Variants in DDB1 observed in about 807,000 individuals in gnomAD.
The protein encoded by DDB1 is DNA damage-binding protein 1.
Under a neutral mutation model 133.1 loss-of-function variants are expected in DDB1, and 18 were observed. The ratio of observed to expected loss-of-function variants is 0.14; its 90% confidence interval spans 0.09 to 0.20. The LOEUF (loss-of-function observed/expected upper bound fraction) is 0.20. Among genes scored for constraint, DDB1 ranks in the 10% least tolerant of loss-of-function variants. The pLI, the probability that DDB1 is intolerant of heterozygous loss-of-function variation, is 1.00. For missense variants in DDB1, 828 were observed against 1,459.2 expected (o/e 0.57, Z 7.05); for synonymous variants, 580 against 550.5 (o/e 1.05, Z -0.75).
intron 6 of DDB1, chr11:61,324,344 C>T (rs1025912554): frequency 3.7e-6 from 2 of 533,714 alleles, no homozygotes; most frequent in Non-Finnish European, 3.4e-6. Flanking sequence ...TTTTCTGAGG[C>T]GCTCCATCAA....
In DDB1 at chr11:61,324,028, A is replaced by T. The variant is rs749128270; in HGVS notation, c.872T>A (p.Met291Lys). 1 of 1,614,178 alleles carries T rather than the reference A, an allele frequency of 6.2e-7. No individual in the cohort carries two copies. The highest frequency in any genetic ancestry group is 8.5e-7 in the Non-Finnish European group (1 of 1,180,022). Residue 291 changes from methionine to lysine, a missense_variant, in exon 7 of 27, where the codon ATG (methionine) becomes AAG (lysine). Physicochemically the swap from Met to Lys is moderately conservative, Grantham distance 95. This residue lies in a region of DDB1 where 35 missense variants were observed against 57.5 expected (regional missense o/e 0.61). Coordinates refer to ENST00000301764, the MANE Select transcript of DDB1 (RefSeq NM_001923.5). The part of the protein sequence containing the change: ...FMLLLEKEEQ[M>K]DGTVTLKDLR... ...ATCCTTGAGAGTGACGGTGCCATCC[A>T]TCTGTTCCTCCTTCTCCAAAAGCAG...
At chr11:61,316,986 T>TATATATAG (rs1856094349) in intron 10 of DDB1, among the ~76,000 whole-genome samples, 1 of 74,880 alleles carries the variant, frequency 1.3e-5, no homozygotes, top group Admixed American at 1.6e-4. Context: ...TATATATATA[T>TATATATAG]ATATATATAT....
intron 21 of DDB1, among the ~76,000 whole-genome samples, chr11:61,308,052 C>T (rs12275843): frequency 0.16 from 23,809 of 152,102 alleles, 5,554 homozygotes; most frequent in African/African-American, 0.51. Context: ...AGCAACATGA[C>T]CTTTTGAAAA....
At chr11:61,301,058 C>A in intron 25 of DDB1, 126 bp from the exon 26 acceptor site, 2 of 1,388,398 alleles carry the variant, frequency 1.4e-6, no homozygotes, top group South Asian at 2.9e-5. Context: ...CTTCCTTTCG[C>A]CTTGCTTTTA....
chr11:61,308,107 G>C (rs1855906217), intron 21 of DDB1, among the ~76,000 whole-genome samples: 1 of 152,248 alleles, frequency 6.6e-6, no homozygotes, highest in South Asian at 2.1e-4. Context: ...CCCTCCAGAG[G>C]TTGCCATCAT....
At chr11:61,305,581 G>A (rs188382434) in intron 21 of DDB1, among the ~76,000 whole-genome samples, 30 of 152,272 alleles carry the variant, frequency 2.0e-4, no homozygotes, top group Admixed American at 1.4e-3. Context: ...AGAGTGCCCC[G>A]TCTTCAGGTA....
In DDB1 at chr11:61,302,994, A is replaced by C. The variant is rs371973545; in HGVS notation, c.2942+52T>G. 114 of 1,529,088 alleles carry C rather than the reference A, an allele frequency of 7.5e-5. No individual in the cohort carries two copies. The South Asian group carries it at 9.2e-4, about 12-fold the overall frequency. The allele number at this position is 1,529,088 out of a possible 1,614,324, so 94.7% of individuals were successfully genotyped here. On this transcript the variant is annotated intron_variant, in intron 23 of 26. Transcript: ENST00000301764. ...AACCCAATGCTTGCATCCACCAGAGACCAAGGAACTCCCAGCCCTCCCCAC... is the reference window on the plus strand; with the variant it reads ...AACCCAATGCTTGCATCCACCAGAGCCCAAGGAACTCCCAGCCCTCCCCAC...
chr11:61,304,040 G>A lies in DDB1; in HGVS notation c.2662-5C>T, dbSNP rs1261837037. 1.2e-6 allele frequency: 2 copies of A among 1,613,530 alleles called. No homozygotes were observed. The highest frequency in any genetic ancestry group is 8.5e-7 in the Non-Finnish European group (1 of 1,180,002). On this transcript the variant is annotated splice_region_variant and splice_polypyrimidine_tract_variant and intron_variant, in intron 21 of 26. Coordinates refer to ENST00000301764, the MANE Select transcript of DDB1 (RefSeq NM_001923.5). ...TGTCCACTCATAGAGCCGCACCTGG[G>A]AAGGGCATTGTCTCTCTCAGCCAAA... is the stretch of plus-strand genomic sequence containing the variant.
At chr11:61,308,957 T>C (rs745442150) in intron 21 of DDB1, 26 bp downstream of exon 21, 3 of 1,611,122 alleles carry the variant, frequency 1.9e-6, no homozygotes, top group African/African-American at 2.7e-5. Context: ...CAGCCTAAAG[T>C]AAGTACCAAG....
chr11:61,302,655 T>C lies in DDB1; in HGVS notation c.3039A>G (p.Val1013=), dbSNP rs1398847679. ...FVNVFCHGSL[V]MQNLGETSTP... is the part of the protein sequence containing the mutation. ...TGGAAGTCTCACCCAGATTCTGCATTACCAGAGAGCCGTGGCAAAAGACAT... is the reference window on the plus strand; with the variant it reads ...TGGAAGTCTCACCCAGATTCTGCATCACCAGAGAGCCGTGGCAAAAGACAT... Residue 1013 remains valine (V), a synonymous_variant, in exon 24 of 27, where the codon GTA becomes GTG. Transcript: ENST00000301764. 1.9e-6 allele frequency: 3 copies of C among 1,614,218 alleles called. No homozygotes were observed. The highest frequency in any genetic ancestry group is 3.3e-5 in the Admixed American group (2 of 60,028).
At chr11:61,313,760 T>C in intron 15 of DDB1, 54 bp from the exon 16 acceptor site, 2 of 1,581,658 alleles carry the variant, frequency 1.3e-6, no homozygotes, top group Non-Finnish European at 1.7e-6. Flanking sequence ...GACAAAAAGC[T>C]GGCCTGTGAA....
chr11:61,326,597 T>C (rs919204218), intron 5 of DDB1, among the ~76,000 whole-genome samples, 182 bp downstream of exon 5: 1 of 151,300 alleles, frequency 6.6e-6, no homozygotes. Context: ...AAACAGAAAA[T>C]CTCAAAGACA....
intron 5 of DDB1, 42 bp downstream of exon 5, chr11:61,326,737 C>T (rs1856276882): frequency 6.5e-7 from 1 of 1,540,868 alleles, no homozygotes; most frequent in Non-Finnish European, 9.0e-7. Context: ...GGGAACTAGC[C>T]TAGACCCAGG....
At chr11:61,332,761 G>C in intron 1 of DDB1, 147 bp downstream of exon 1, 1 of 603,712 alleles carries the variant, frequency 1.7e-6, no homozygotes. Context: ...TCGAGGTCGC[G>C]GTGCTGGGGG....
intron 2 of DDB1, among the ~76,000 whole-genome samples, chr11:61,330,531 T>G (rs1856350165): frequency 6.6e-6 from 1 of 152,246 alleles, no homozygotes; most frequent in African/African-American, 2.4e-5. Context: ...TTCAAAGGGT[T>G]ATAATTAAAA....
rs929669689 is a variant in DDB1, at chr11:61,299,852, C to A, written c.*284G>T. 4.0e-6 allele frequency: 2 copies of A among 498,532 alleles called. No individual in the cohort carries two copies. The highest frequency in any genetic ancestry group is 7.4e-6 in the Non-Finnish European group (2 of 272,032). The allele number at this position is 498,532 out of a possible 1,614,324, so 30.9% of individuals were successfully genotyped here. The stretch of plus-strand genomic sequence containing the variant: ...GCCAAAGAACTGCAAAATCCTTCCC[C>A]GGAAGGAGGACAACTGGCAACACCA... On this transcript the variant is annotated 3_prime_UTR_variant, in exon 27 of 27. Coordinates refer to ENST00000301764, the MANE Select transcript of DDB1 (RefSeq NM_001923.5).
At chr11:61,320,923 G>A (rs1248308753) in intron 10 of DDB1, among the ~76,000 whole-genome samples, 5 of 147,504 alleles carry the variant, frequency 3.4e-5, no homozygotes, top group Admixed American at 6.8e-5. Flanking sequence ...TCTCATTGTC[G>A]CCCAAACTAG....
At chr11:61,313,412 GA>G (rs36006720) in intron 16 of DDB1, 86 bp downstream of exon 16, 14 of 1,260,352 alleles carry the variant, frequency 1.1e-5, no homozygotes, top group East Asian at 2.3e-5. Flanking sequence ...TTTGACACCG[GA>G]AAAAGGCTTT....
chr11:61,309,567 T>C (rs1052414443), intron 20 of DDB1, among the ~76,000 whole-genome samples: 2 of 152,230 alleles, frequency 1.3e-5, no homozygotes, highest in Non-Finnish European at 2.9e-5. Context: ...CCCTCCCTTT[T>C]GTTCTTTTGG....
Sources: gnomAD v4.1 joint callset for allele counts (sites outside exome capture counted in the v4.1 genomes callset) on GRCh38, gnomAD v4.1.1 for gene constraint, gnomAD v4.1.1 regional missense constraint, MANE v1.5 for transcripts, NCBI Gene and HGNC (gene_info 2026-07-23, HGNC 2026-07-21) for gene names.